The following USP25 variants were observed in gnomAD, a reference collection of about 807,000 sequenced individuals.
The protein encoded by USP25 is ubiquitin carboxyl-terminal hydrolase 25.
In USP25, 85 loss-of-function variants were observed where a neutral mutation model predicts 158.5. The ratio of observed to expected loss-of-function variants is 0.54; its 90% confidence interval spans 0.45 to 0.64. The LOEUF is 0.64. Ranked by LOEUF, USP25 falls within the 30% of genes least tolerant of loss-of-function variation. The pLI is 0.00. For synonymous variants in USP25, 464 were observed against 460.4 expected (o/e 1.01, Z -0.10); for missense variants, 1,242 against 1,327.3 (o/e 0.94, Z 1.00).
At chr21:15,789,595 G>T (rs938083089) in intron 4 of USP25, among the ~76,000 whole-genome samples, 3 of 151,892 alleles carry the variant, frequency 2.0e-5, no homozygotes, top group African/African-American at 7.3e-5. Flanking sequence ...TTTACATATT[G>T]TCTGTCTGCA....
At chr21:15,812,524 G>C (rs1420593378) in intron 9 of USP25, among the ~76,000 whole-genome samples, 2 of 151,970 alleles carry the variant, frequency 1.3e-5, no homozygotes, top group Non-Finnish European at 2.9e-5. Context: ...GGTGGCAGGC[G>C]CCTGTAGTCC....
intron 1 of USP25, among the ~76,000 whole-genome samples, chr21:15,736,568 C>G (rs1427073747): frequency 6.6e-6 from 1 of 151,632 alleles, no homozygotes; most frequent in African/African-American, 2.4e-5. Context: ...CCACCCTTGT[C>G]TTTAACGTTT....
At chr21:15,743,457 A>G (rs2123240276) in intron 1 of USP25, among the ~76,000 whole-genome samples, 1 of 152,304 alleles carries the variant, frequency 6.6e-6, no homozygotes, top group Non-Finnish European at 1.5e-5. Context: ...CGTGAAGTGG[A>G]TAGCCCTCTG....
At chr21:15,834,111 A>G (rs1037958410) in intron 17 of USP25, among the ~76,000 whole-genome samples, 1 of 152,246 alleles carries the variant, frequency 6.6e-6, no homozygotes, top group African/African-American at 2.4e-5. Flanking sequence ...GTAAGTGTAT[A>G]GACCTGTAAA....
At chr21:15,777,321 CT>C (rs931306515) in intron 3 of USP25, among the ~76,000 whole-genome samples, 1 of 152,104 alleles carries the variant, frequency 6.6e-6, no homozygotes, top group African/African-American at 2.4e-5. Context: ...GTGAAAGATT[CT>C]TATACTTCTT....
intron 20 of USP25, among the ~76,000 whole-genome samples, chr21:15,860,509 T>C (rs913662406): frequency 2.0e-5 from 3 of 152,128 alleles, no homozygotes; most frequent in African/African-American, 7.2e-5. Context: ...TATTCCCATA[T>C]TAGTATAGTT....
At chr21:15,823,941 C>A (rs894964829) in intron 10 of USP25, 98 bp from the exon 11 acceptor site, 2 of 1,205,474 alleles carry the variant, frequency 1.7e-6, no homozygotes, top group African/African-American at 1.5e-5. Context: ...TGTGGTGATA[C>A]ATATAACAAT....
intron 3 of USP25, among the ~76,000 whole-genome samples, chr21:15,768,799 G>A (rs1653947367): frequency 6.6e-6 from 1 of 152,038 alleles, no homozygotes; most frequent in Admixed American, 6.6e-5. Flanking sequence ...TTTCAAATAT[G>A]GCAGGGATTT....
chr21:15,807,102 T>C (rs952664601), intron 7 of USP25, among the ~76,000 whole-genome samples: 1 of 152,094 alleles, frequency 6.6e-6, no homozygotes, highest in Admixed American at 6.5e-5. Flanking sequence ...AATTTTATTT[T>C]ATTTTTATAG....
At chr21:15,814,046 A>C (rs577665704) in intron 9 of USP25, among the ~76,000 whole-genome samples, 5 of 151,486 alleles carry the variant, frequency 3.3e-5, no homozygotes, top group East Asian at 2.0e-4. Flanking sequence ...ATAATGAATA[A>C]GTCTCCTGAG....
rs369316733 is a variant in USP25 at position 15,805,127 on chromosome 21, C to T, written c.649C>T (p.Arg217Trp). ...TGTTTTTTTCCTTCAATAGGAACATCGGAATTTGCCTTTTATGCGTGAGCT... is the reference window on the plus strand; with the variant it reads ...TGTTTTTTTCCTTCAATAGGAACATTGGAATTTGCCTTTTATGCGTGAGCT... ...QDLPRNQKEH[R>W]NLPFMRELRY... Residue 217 changes from arginine to tryptophan, a missense_variant, in exon 7 of 26, where the codon CGG becomes TGG. Around this residue, in one of 3 missense-constraint regions of USP25, gnomAD observed 627 missense variants for 701.4 expected, o/e 0.89. Transcript: ENST00000400183. The T allele has an allele frequency of 1.0e-5, 16 of 1,582,856 alleles. No homozygotes were observed. The highest frequency in any genetic ancestry group is 2.8e-5 in the African/African-American group (2 of 72,604).
intron 1 of USP25, among the ~76,000 whole-genome samples, chr21:15,756,610 T>C (rs2123356890): frequency 6.6e-6 from 1 of 152,264 alleles, no homozygotes; most frequent in Admixed American, 6.5e-5. Flanking sequence ...TATGAAACTC[T>C]CAGGTTTTTA....
chr21:15,850,003 A>G (rs1204743954), intron 20 of USP25, 131 bp downstream of exon 20: 14 of 621,318 alleles, frequency 2.3e-5, no homozygotes, highest in Non-Finnish European at 3.7e-5. Context: ...TGGCCACCGG[A>G]TATCCTAGGG....
chr21:15,758,197 A>C (rs1379977208), intron 1 of USP25, among the ~76,000 whole-genome samples: 1 of 152,170 alleles, frequency 6.6e-6, no homozygotes, highest in Non-Finnish European at 1.5e-5. Context: ...CTGTACATTA[A>C]AGTTTGAGAA....
intron 5 of USP25, among the ~76,000 whole-genome samples, chr21:15,798,393 C>A (rs1426572121): frequency 6.6e-6 from 1 of 151,242 alleles, no homozygotes; most frequent in Non-Finnish European, 1.5e-5. Flanking sequence ...ACTCGTTTTT[C>A]TTCTGTGATT....
chr21:15,837,821 A>T (rs908380177), intron 17 of USP25, among the ~76,000 whole-genome samples: 6 of 152,200 alleles, frequency 3.9e-5, no homozygotes, highest in Non-Finnish European at 8.8e-5. Flanking sequence ...CACTGTCTAC[A>T]AGTTAAAAAT....
intron 9 of USP25, 69 bp from the exon 10 acceptor site, chr21:15,818,629 C>G: frequency 7.2e-7 from 1 of 1,383,656 alleles, no homozygotes. Flanking sequence ...GGTGAGAATC[C>G]TTACGTACTC....
chr21:15,768,199 C>T (rs2034152216), intron 3 of USP25, among the ~76,000 whole-genome samples: 2 of 151,976 alleles, frequency 1.3e-5, no homozygotes, highest in Admixed American at 1.3e-4. Context: ...TTTCTTTATC[C>T]ATAAAACACA....
intron 23 of USP25, among the ~76,000 whole-genome samples, chr21:15,873,562 C>T (rs1038886542): frequency 6.6e-6 from 1 of 151,700 alleles, no homozygotes; most frequent in Non-Finnish European, 1.5e-5. Flanking sequence ...AGTGCAGTGG[C>T]GTGATCTCAG....
Sources: allele counts gnomAD v4.1 joint callset (sites outside exome capture counted in the v4.1 genomes callset), GRCh38; gene constraint gnomAD v4.1.1; regional missense constraint gnomAD v4.1.1; transcripts MANE v1.5; gene names NCBI Gene and HGNC (gene_info 2026-07-23, HGNC 2026-07-21).